The following PXDNL variants were observed in gnomAD, a reference collection of about 807,000 sequenced individuals.
The protein encoded by PXDNL is peroxidasin like, also known as probable oxidoreductase PXDNL.
In PXDNL, 145 loss-of-function variants were observed where a neutral mutation model predicts 150.8. The ratio of observed to expected loss-of-function variants is 0.96; its 90% CI spans 0.84 to 1.10. PXDNL has a LOEUF of 1.10. Among genes scored for constraint, PXDNL ranks in the 50% least tolerant of loss-of-function variants. The pLI is 0.00. For missense variants in PXDNL, 2,087 were observed against 1,873.9 expected (o/e 1.11, Z -2.10); for synonymous variants, 757 against 725.7 (o/e 1.04, Z -0.69).
intron 1 of PXDNL, among the ~76,000 whole-genome samples, chr8:51,737,346 T>C (rs1248999663): frequency 6.6e-6 from 1 of 152,258 alleles, no homozygotes; most frequent in Non-Finnish European, 1.5e-5. Context: ...GACAAACTTA[T>C]ATGCCCAAAA....
chr8:51,319,945 G>C lies in PXDNL; in HGVS notation c.4338C>G (p.Cys1446Trp), dbSNP rs1042363036. ...TTCCTCGGTCTCTGCAAACTGGACAGCAGGTTCCTTTCACCAATTCAGGAC... is the reference window on the plus strand; with the variant it reads ...TTCCTCGGTCTCTGCAAACTGGACACCAGGTTCCTTTCACCAATTCAGGAC... ...CPSPELVKGT[C>W]CPVCRDRGMP... Residue 1446 changes from cysteine (C) to tryptophan (W), a missense_variant, in exon 23 of 23, where the codon TGC (cysteine) becomes TGG (tryptophan). By Grantham distance (215) the Cys-to-Trp change is radical. Coordinates refer to ENST00000356297, the MANE Select transcript of PXDNL (RefSeq NM_144651.5). 5.1e-6 allele frequency: 8 copies of C among 1,579,830 alleles called. No homozygotes were observed. Among genetic ancestry groups the C allele is most frequent in the Non-Finnish European group, 6.9e-6 (8 of 1,164,088 alleles).
intron 21 of PXDNL, among the ~76,000 whole-genome samples, chr8:51,326,643 A>T (rs1455227966): frequency 6.6e-6 from 1 of 152,154 alleles, no homozygotes; most frequent in South Asian, 2.1e-4. Context: ...TTTCCTAAGG[A>T]TATATAATCA....
chr8:51,453,180 A>G (rs1337865442), intron 10 of PXDNL, among the ~76,000 whole-genome samples: 1 of 152,244 alleles, frequency 6.6e-6, no homozygotes, highest in Non-Finnish European at 1.5e-5. Flanking sequence ...CTATGAACAC[A>G]GGGCACAGCC....
Position 51,499,778 on chromosome 8 carries a change from G to A in PXDNL, c.381-8C>T. 1 of 1,605,638 alleles carries A rather than the reference G, an allele frequency of 6.2e-7. No individual in the cohort carries two copies. Among genetic ancestry groups the A allele is most frequent in the Non-Finnish European group, 8.5e-7 (1 of 1,173,058 alleles). The stretch of plus-strand genomic sequence containing the variant: ...TGGTTGAAATGAATATACCTGGAAG[G>A]CAAAAAATCAAGTTGGTTACTCCTT... On this transcript the variant is annotated splice_polypyrimidine_tract_variant and splice_region_variant and intron_variant, in intron 4 of 22. Transcript: ENST00000356297.
In PXDNL at chr8:51,600,418, G is replaced by A. The variant is rs942200426; in HGVS notation, c.237-7720C>T. 1.7e-3 allele frequency among the ~76,000 whole-genome samples: 227 copies of A among 132,926 alleles called. 5 individuals carry two copies. The highest frequency in any genetic ancestry group is 2.9e-3 in the African/African-American group (98 of 34,290). The allele number at this position is 132,926 out of a possible 152,430, so 87.2% of individuals were successfully genotyped here. On this transcript the variant is annotated intron_variant, in intron 2 of 22. Transcript: ENST00000356297. Reference sequence around the variant, plus strand: ...AATTATATCTTATATAAATTATATCGTTTAGATAATAAATTATATCTTATA... The same window carrying A: ...AATTATATCTTATATAAATTATATCATTTAGATAATAAATTATATCTTATA...
At chr8:51,484,984 G>A (rs1166058061) in intron 5 of PXDNL, among the ~76,000 whole-genome samples, 2 of 152,202 alleles carry the variant, frequency 1.3e-5, no homozygotes, top group African/African-American at 4.8e-5. Flanking sequence ...TCAAGGATAT[G>A]AGCATAAATA....
At chr8:51,448,933 AT>A (rs576700884) in intron 11 of PXDNL, 68 bp downstream of exon 11, 1,064 of 773,746 alleles carry the variant, frequency 1.4e-3, no homozygotes, top group Non-Finnish European at 1.9e-3. Context: ...AATTTAAACT[AT>A]TTTTTTTTAC....
At chr8:51,640,592 CT>C (rs1385021270) in intron 2 of PXDNL, among the ~76,000 whole-genome samples, 1 of 152,168 alleles carries the variant, frequency 6.6e-6, no homozygotes, top group African/African-American at 2.4e-5. Context: ...CATGAGTGAA[CT>C]CCCATTCACA....
In PXDNL at chr8:51,473,496, T is replaced by C. The variant is rs138398354; in HGVS notation, c.695-1192A>G. On this transcript the variant is annotated intron_variant, in intron 7 of 22. Transcript: ENST00000356297. ...CATTAAAAGAAGTAGAATCAGAATA[T>C]TGTAGGCAGGAAAGACAGCATGTAA... Among the ~76,000 whole-genome samples the C allele has an allele frequency of 5.7e-3, 868 of 152,042 alleles. 6 individuals carry two copies. Among genetic ancestry groups the C allele is most frequent in the South Asian group, 0.028 (137 of 4,812 alleles).
Position 51,530,650 on chromosome 8 carries a change from A to G in PXDNL, c.380+26190T>C, listed in dbSNP as rs115850683. On this transcript the variant is annotated intron_variant, in intron 4 of 22. Transcript: ENST00000356297. ...GCTCCCTGCTTTTCCTTAAACACAC[A>G]GTGCCTAGTTAGCTCCGACCTGTGG... Among the ~76,000 whole-genome samples, 329 of 152,196 alleles carry G rather than the reference A, an allele frequency of 2.2e-3. 2 individuals carry two copies. The highest frequency in any genetic ancestry group is 7.5e-3 in the African/African-American group (312 of 41,512).
At chr8:51,736,625 C>T (rs1181013582) in intron 1 of PXDNL, among the ~76,000 whole-genome samples, 1 of 152,192 alleles carries the variant, frequency 6.6e-6, no homozygotes, top group African/African-American at 2.4e-5. Context: ...CCCAAGGCAA[C>T]CTGAAAGTGT....
intron 20 of PXDNL, among the ~76,000 whole-genome samples, chr8:51,345,025 G>A (rs1190762319): frequency 1.3e-5 from 2 of 152,112 alleles, no homozygotes; most frequent in Non-Finnish European, 2.9e-5. Context: ...TTGAAGAAAT[G>A]GATGCCAAAA....
intron 1 of PXDNL, among the ~76,000 whole-genome samples, chr8:51,751,791 G>A (rs922544160): frequency 6.6e-6 from 1 of 152,138 alleles, no homozygotes; most frequent in Non-Finnish European, 1.5e-5. Flanking sequence ...GAAAATAAAG[G>A]TTTAGAAAAG....
intron 1 of PXDNL, among the ~76,000 whole-genome samples, chr8:51,701,256 T>C (rs1221031535): frequency 6.6e-6 from 1 of 152,170 alleles, no homozygotes; most frequent in Non-Finnish European, 1.5e-5. Context: ...ATATGTATAT[T>C]ACAGGTGAAA....
At chr8:51,802,171 GT>G (rs201307798) in intron 1 of PXDNL, among the ~76,000 whole-genome samples, 3,047 of 142,396 alleles carry the variant, frequency 0.021, 77 homozygotes, top group African/African-American at 0.069. Flanking sequence ...CATGTTCAAG[GT>G]TTTTTTTTTT....
At chr8:51,473,274 A>AACAC (rs1164131411) in intron 7 of PXDNL, among the ~76,000 whole-genome samples, 25,103 of 133,844 alleles carry the variant, frequency 0.19, 2,476 homozygotes, top group Middle Eastern at 0.25. Context: ...GTAGAAAATA[A>AACAC]ACACACACAC....
chr8:51,712,120 A>AT (rs893938937), intron 1 of PXDNL, among the ~76,000 whole-genome samples: 7 of 152,198 alleles, frequency 4.6e-5, no homozygotes, highest in African/African-American at 1.7e-4. Flanking sequence ...ATTATGAGGA[A>AT]TGAGGCCTCT....
At position 51,732,977 on chromosome 8, in the gene PXDNL, C is replaced by A. The variant is rs185392937; in HGVS notation, c.164+76204G>T. On this transcript the variant is annotated intron_variant, in intron 1 of 22. Coordinates refer to ENST00000356297, the MANE Select transcript of PXDNL (RefSeq NM_144651.5). ...GGGATCCCAGGAGGGTTTCAACAAT[C>A]TGTTCTTTTCTGTTCACTACAAACC... Among the ~76,000 whole-genome samples the A allele has an allele frequency of 3.9e-5, 6 of 152,290 alleles. No individual in the cohort carries two copies. The East Asian group carries it at 1.2e-3, about 29-fold the overall frequency.
At chr8:51,347,033 C>T (rs1806182804) in intron 19 of PXDNL, among the ~76,000 whole-genome samples, 1 of 152,012 alleles carries the variant, frequency 6.6e-6, no homozygotes, top group Non-Finnish European at 1.5e-5. Flanking sequence ...AGTAAAACTA[C>T]TATATATGAA....
Sources: allele counts gnomAD v4.1 joint callset (sites outside exome capture counted in the v4.1 genomes callset), GRCh38; gene constraint gnomAD v4.1.1; transcripts MANE v1.5; gene names NCBI Gene and HGNC (gene_info 2026-07-23, HGNC 2026-07-21).